Variants in FBXO31 observed in about 807,000 individuals in gnomAD.
FBXO31 encodes the protein F-box only protein 31.
In FBXO31, 24 loss-of-function variants were observed where a neutral mutation model predicts 54.4. The observed-to-expected ratio is 0.44, with a 90% CI of 0.32 to 0.62. The LOEUF (loss-of-function observed/expected upper bound fraction) is 0.62. Ranked by LOEUF, FBXO31 falls within the 20% of genes least tolerant of loss-of-function variation. The pLI is 0.05. For missense variants in FBXO31, 665 were observed against 787.1 expected (o/e 0.84, Z 1.86); for synonymous variants, 388 against 335.6 (o/e 1.16, Z -1.71).
chr16:87,343,293 G>A (rs1247629141), intron 4 of FBXO31, among the ~76,000 whole-genome samples: 1 of 152,244 alleles, frequency 6.6e-6, no homozygotes, highest in African/African-American at 2.4e-5. Context: ...AGAGAACAGA[G>A]AGCGCACTTG....
intron 1 of FBXO31, among the ~76,000 whole-genome samples, chr16:87,377,858 T>TA (rs906391336): frequency 2.7e-5 from 4 of 150,170 alleles, no homozygotes; most frequent in Admixed American, 1.3e-4. Flanking sequence ...CATGTATATA[T>TA]AAAAAAACAG....
chr16:87,373,443 C>T (rs757592152), intron 1 of FBXO31, among the ~76,000 whole-genome samples: 5 of 151,888 alleles, frequency 3.3e-5, no homozygotes, highest in Admixed American at 6.6e-5. Flanking sequence ...CAGAGCGAGA[C>T]GCTGTCTCAA....
chr16:87,356,842 A>C (rs571359215), intron 2 of FBXO31, among the ~76,000 whole-genome samples: 37 of 152,316 alleles, frequency 2.4e-4, no homozygotes, highest in African/African-American at 8.4e-4. Flanking sequence ...GGGCTCCACG[A>C]GCCTCTAGAA....
chr16:87,369,334 C>T (rs1221491696), intron 1 of FBXO31, among the ~76,000 whole-genome samples: 1 of 152,124 alleles, frequency 6.6e-6, no homozygotes, highest in Non-Finnish European at 1.5e-5. Flanking sequence ...CATGGAGCGG[C>T]AACTCCACAC....
chr16:87,379,620 T>C (rs535147241), intron 1 of FBXO31, among the ~76,000 whole-genome samples: 12 of 152,278 alleles, frequency 7.9e-5, no homozygotes, highest in African/African-American at 2.6e-4. Flanking sequence ...ACCTAGCTGC[T>C]CTTAACACTG....
rs568953138 is a variant in FBXO31 at position 87,345,933 on chromosome 16, C to A, written c.489+1241G>T. Among the ~76,000 whole-genome samples, 2 of 152,204 alleles carry A rather than the reference C, an allele frequency of 1.3e-5. No homozygotes were observed. The highest frequency in any genetic ancestry group is 2.9e-5 in the Non-Finnish European group (2 of 68,036). On this transcript the variant is annotated intron_variant, in intron 3 of 8. Transcript: ENST00000311635. This position sits in a 1 kb window ranked among gnomAD's most constrained non-coding sequence, Gnocchi z 4.9. ...CGCCAAAGATGGCAACCAGAGAACA[C>A]AGCCCCATGCTGCACACAGGCAGTT...
intron 1 of FBXO31, among the ~76,000 whole-genome samples, chr16:87,364,940 G>T (rs1403120179): frequency 7.0e-6 from 1 of 142,166 alleles, no homozygotes; most frequent in Non-Finnish European, 1.5e-5. Context: ...CCAGGAGGTC[G>T]AGCCTGCAGT....
intron 8 of FBXO31, among the ~76,000 whole-genome samples, chr16:87,332,344 C>T (rs1057313050): frequency 2.0e-5 from 3 of 149,672 alleles, no homozygotes; most frequent in South Asian, 2.1e-4. Flanking sequence ...ATATTCAGCA[C>T]GTCAGGGACT....
At chr16:87,339,314 T>C (rs1446181124) in intron 5 of FBXO31, among the ~76,000 whole-genome samples, 5 of 152,216 alleles carry the variant, frequency 3.3e-5, no homozygotes, top group African/African-American at 1.2e-4. Flanking sequence ...CCTGGTGACC[T>C]ACCTGCTCTC....
At chr16:87,371,910 A>G (rs962402753) in intron 1 of FBXO31, among the ~76,000 whole-genome samples, 1 of 151,788 alleles carries the variant, frequency 6.6e-6, no homozygotes, top group African/African-American at 2.4e-5. Context: ...TTTTTTTTTA[A>G]GTTAAAAAAA....
chr16:87,366,361 T>C (rs1468690029), intron 1 of FBXO31, among the ~76,000 whole-genome samples: 1 of 152,330 alleles, frequency 6.6e-6, no homozygotes, highest in East Asian at 1.9e-4. Flanking sequence ...ATTTAGTTTA[T>C]TTAGGAAAAA....
At chr16:87,377,933 G>A (rs968970947) in intron 1 of FBXO31, among the ~76,000 whole-genome samples, 10 of 151,872 alleles carry the variant, frequency 6.6e-5, no homozygotes, top group Admixed American at 3.3e-4. Flanking sequence ...CGAGGCAGGC[G>A]GATCACCTGA....
At chr16:87,382,635 T>A (rs1428103256) in intron 1 of FBXO31, among the ~76,000 whole-genome samples, 1 of 152,196 alleles carries the variant, frequency 6.6e-6, no homozygotes, top group Non-Finnish European at 1.5e-5. Context: ...GTAATTTTTT[T>A]TGTTGCTGTT....
intron 5 of FBXO31, among the ~76,000 whole-genome samples, chr16:87,339,270 C>T (rs1905121386): frequency 6.6e-6 from 1 of 152,204 alleles, no homozygotes; most frequent in South Asian, 2.1e-4. Flanking sequence ...ATGTCCAGAC[C>T]TCCTGGGATG....
At chr16:87,370,199 C>T (rs993301346) in intron 1 of FBXO31, among the ~76,000 whole-genome samples, 2 of 152,230 alleles carry the variant, frequency 1.3e-5, no homozygotes, top group African/African-American at 4.8e-5. Flanking sequence ...TCATCTGCTT[C>T]GTGAGCACCC....
chr16:87,369,675 G>A (rs1183028227), intron 1 of FBXO31, among the ~76,000 whole-genome samples: 1 of 152,050 alleles, frequency 6.6e-6, no homozygotes, highest in Non-Finnish European at 1.5e-5. Flanking sequence ...TCTTTTATGG[G>A]GGGAATATAC....
rs571643179 is a variant in FBXO31, at chr16:87,380,685, C to T, written c.340+2720G>A. Among the ~76,000 whole-genome samples, 28 of 152,336 alleles carry T rather than the reference C, an allele frequency of 1.8e-4. No homozygotes were observed. In the South Asian group the frequency reaches 3.1e-3, roughly 17 times the overall value. On this transcript the variant is annotated intron_variant, in intron 1 of 8. Transcript: ENST00000311635. ...TAATGTCTCAAAATGAGAATTCTCA[C>T]GTTAGCAGGTCACTTGGGTGAACAA...
At position 87,336,835 on chromosome 16, in the gene FBXO31, G is replaced by A. The variant is rs1224027657; in HGVS notation, c.733-571C>T. ...TCCCAAAAACTCCGCAGCCCCACCA[G>A]TCCGCCCTGCATTCTGCCATCACAT... On this transcript the variant is annotated intron_variant, in intron 5 of 8. Coordinates refer to ENST00000311635, the MANE Select transcript of FBXO31 (RefSeq NM_024735.5). This position sits in a 1 kb window ranked among gnomAD's most constrained non-coding sequence, Gnocchi z 6.5. 6.6e-6 allele frequency among the ~76,000 whole-genome samples: 1 copy of A among 152,230 alleles called. No homozygotes were observed. The highest frequency in any genetic ancestry group is 6.5e-5 in the Admixed American group (1 of 15,282).
Position 87,342,934 on chromosome 16 carries a change from C to T in FBXO31, c.675G>A (p.Glu225=), listed in dbSNP as rs1226559052. ...CCGTCTGGTTGCACTTGGTGGAGAA[C>T]TCATCCTTCTTCACAATCTTCAGTG... The part of the protein sequence containing the change: ...HGHIQIVKKD[E]FSTKCNQTDH... Residue 225 remains glutamate (E), a synonymous_variant, in exon 5 of 9, where the codon GAG becomes GAA. Transcript: ENST00000311635. 1.4e-5 allele frequency: 22 copies of T among 1,607,998 alleles called. No individual in the cohort carries two copies. The highest frequency in any genetic ancestry group is 1.9e-5 in the Non-Finnish European group (22 of 1,177,386).
Sources: allele counts gnomAD v4.1 joint callset (sites outside exome capture counted in the v4.1 genomes callset), GRCh38; gene constraint gnomAD v4.1.1; non-coding constraint Gnocchi (gnomAD v3.1); transcripts MANE v1.5; gene names NCBI Gene and HGNC (gene_info 2026-07-23, HGNC 2026-07-21).